Variants in SUGCT observed in about 807,000 individuals in gnomAD.
SUGCT encodes succinyl-CoA:glutarate CoA-transferase.
In SUGCT, 41 loss-of-function variants were observed where a neutral mutation model predicts 55.0. That is an observed-to-expected ratio of 0.74 (90% CI 0.58 to 0.97). The LOEUF is 0.97. Among genes scored for constraint, SUGCT ranks in the 50% least tolerant of loss-of-function variants. The pLI, the probability that SUGCT is intolerant of heterozygous loss-of-function variation, is 0.00. For synonymous variants in SUGCT, 187 were observed against 200.4 expected (o/e 0.93, Z 0.56); for missense variants, 568 against 547.8 (o/e 1.04, Z -0.37).
At chr7:40,284,897 T>A (rs1793216583) in intron 8 of SUGCT, among the ~76,000 whole-genome samples, 1 of 152,142 alleles carries the variant, frequency 6.6e-6, no homozygotes. Context: ...AAAATATGGT[T>A]TGTTGTCTTC....
At chr7:40,396,395 G>A (rs768558961) in intron 9 of SUGCT, among the ~76,000 whole-genome samples, 8 of 152,226 alleles carry the variant, frequency 5.3e-5, no homozygotes, top group Non-Finnish European at 1.0e-4. Context: ...AGAATAAGCC[G>A]TGCTTCTGTG....
chr7:40,394,995 A>C (rs1785644407), intron 9 of SUGCT, among the ~76,000 whole-genome samples: 1 of 152,224 alleles, frequency 6.6e-6, no homozygotes, highest in African/African-American at 2.4e-5. Context: ...TTATGGACAC[A>C]AATTTGAATT....
intron 12 of SUGCT, among the ~76,000 whole-genome samples, chr7:40,708,023 T>A (rs1785511014): frequency 6.6e-6 from 1 of 152,206 alleles, no homozygotes; most frequent in African/African-American, 2.4e-5. Flanking sequence ...TTTAATAATA[T>A]TTATATACTT....
At chr7:40,474,199 G>C (rs1790541371) in intron 11 of SUGCT, among the ~76,000 whole-genome samples, 1 of 152,176 alleles carries the variant, frequency 6.6e-6, no homozygotes. Context: ...AGAAGATTCA[G>C]AAACAGCATA....
At chr7:40,601,580 C>T (rs145355130) in intron 12 of SUGCT, among the ~76,000 whole-genome samples, 73 of 152,320 alleles carry the variant, frequency 4.8e-4, no homozygotes, top group Non-Finnish European at 5.1e-4. Context: ...AGGAACCTTA[C>T]GCTTTGTCTT....
At chr7:40,277,036 A>G (rs1792546165) in intron 8 of SUGCT, among the ~76,000 whole-genome samples, 1 of 152,188 alleles carries the variant, frequency 6.6e-6, no homozygotes, top group African/African-American at 2.4e-5. Context: ...TTGCCAAGGA[A>G]GATGTGAAAA....
At chr7:40,469,505 C>T (rs112311714) in intron 11 of SUGCT, among the ~76,000 whole-genome samples, 279 of 152,240 alleles carry the variant, frequency 1.8e-3, no homozygotes, top group African/African-American at 6.4e-3. Flanking sequence ...TGTTTTGTTA[C>T]TATAAAATCA....
intron 8 of SUGCT, among the ~76,000 whole-genome samples, chr7:40,286,523 G>C (rs1482385383): frequency 6.6e-6 from 1 of 152,168 alleles, no homozygotes; most frequent in African/African-American, 2.4e-5. Context: ...TAAGGACATT[G>C]ACATCTTTGG....
chr7:40,685,761 G>A (rs763487100), intron 12 of SUGCT, among the ~76,000 whole-genome samples: 10 of 151,882 alleles, frequency 6.6e-5, no homozygotes, highest in East Asian at 3.9e-4. Context: ...GTTTTAGGCC[G>A]CACGCATGGC....
intron 7 of SUGCT, among the ~76,000 whole-genome samples, chr7:40,263,344 A>G (rs555485453): frequency 3.3e-5 from 5 of 152,366 alleles, no homozygotes; most frequent in African/African-American, 7.2e-5. Context: ...GGAAGCATAC[A>G]TGTTACAGAT....
At chr7:40,848,031 A>C (rs1793665276) in intron 13 of SUGCT, among the ~76,000 whole-genome samples, 1 of 152,184 alleles carries the variant, frequency 6.6e-6, no homozygotes, top group African/African-American at 2.4e-5. Flanking sequence ...TCCCAGAAAC[A>C]AGGGCGTGCC....
intron 12 of SUGCT, among the ~76,000 whole-genome samples, chr7:40,565,926 T>G (rs1796106588): frequency 6.6e-6 from 1 of 151,922 alleles, no homozygotes; most frequent in Admixed American, 6.6e-5. Flanking sequence ...TCACTCTCTT[T>G]CCTTGCTTAA....
the SUGCT span, among the ~76,000 whole-genome samples, chr7:40,872,989 C>G: frequency 1.3e-5 from 2 of 152,168 alleles, no homozygotes; most frequent in Non-Finnish European, 1.5e-5. Context: ...CACAGCTGTG[C>G]AGCCTCAGCG....
intron 13 of SUGCT, among the ~76,000 whole-genome samples, chr7:40,795,233 C>A (rs1341685699): frequency 6.6e-6 from 1 of 152,074 alleles, no homozygotes; most frequent in Non-Finnish European, 1.5e-5. Context: ...CATAAAATGA[C>A]TTCCCCAAAG....
At chr7:40,286,405 G>T (rs1437515355) in intron 8 of SUGCT, among the ~76,000 whole-genome samples, 3 of 152,024 alleles carry the variant, frequency 2.0e-5, no homozygotes, top group East Asian at 3.9e-4. Context: ...GTTTCATTAG[G>T]CCCACATGGA....
At chr7:40,951,094 T>C in the SUGCT span, among the ~76,000 whole-genome samples, 1 of 152,096 alleles carries the variant, frequency 6.6e-6, no homozygotes, top group African/African-American at 2.4e-5. Flanking sequence ...GGTCCTGGAC[T>C]TTTTTTGGGT....
chr7:40,326,295 G>T (rs1052375182), intron 9 of SUGCT, among the ~76,000 whole-genome samples: 5 of 152,086 alleles, frequency 3.3e-5, no homozygotes, highest in African/African-American at 1.2e-4. Context: ...AGAGATCATT[G>T]TACTAAGTGT....
At chr7:40,584,117 G>A (rs1797248197) in intron 12 of SUGCT, among the ~76,000 whole-genome samples, 1 of 152,154 alleles carries the variant, frequency 6.6e-6, no homozygotes, top group Admixed American at 6.6e-5. Flanking sequence ...TTGAGCACTT[G>A]TTTTATCAAG....
At chr7:40,737,385 G>A (rs961114987) in intron 12 of SUGCT, among the ~76,000 whole-genome samples, 2 of 152,132 alleles carry the variant, frequency 1.3e-5, no homozygotes, top group Non-Finnish European at 2.9e-5. Flanking sequence ...TACATATACT[G>A]TTAGAAAGTA....
Sources: allele counts gnomAD v4.1 joint callset (sites outside exome capture counted in the v4.1 genomes callset), GRCh38; gene constraint gnomAD v4.1.1; transcripts MANE v1.5; gene names NCBI Gene and HGNC (gene_info 2026-07-23, HGNC 2026-07-21).